Variants in TMEM63C observed in about 807,000 individuals in gnomAD.
TMEM63C encodes the protein osmosensitive cation channel TMEM63C.
TMEM63C carries 32 observed loss-of-function variants against 99.2 expected under a neutral mutation model. That is an observed-to-expected ratio of 0.32 (90% confidence interval 0.24 to 0.43). TMEM63C has a LOEUF of 0.43. TMEM63C is among the 20% of genes least tolerant of loss of function. TMEM63C has a pLI of 1.00. For missense variants in TMEM63C, 826 were observed against 1,053.0 expected (o/e 0.78, Z 2.98); for synonymous variants, 376 against 397.9 (o/e 0.94, Z 0.66).
chr14:77,246,071 T>G, intron 17 of TMEM63C, 45 bp downstream of exon 17: 1 of 1,461,768 alleles, frequency 6.8e-7, no homozygotes, highest in Non-Finnish European at 9.6e-7. Flanking sequence ...CAGGCTCTCT[T>G]AGAGTTAAGA....
At chr14:77,233,817 G>A (rs1888987570) in intron 8 of TMEM63C, among the ~76,000 whole-genome samples, 1 of 152,156 alleles carries the variant, frequency 6.6e-6, no homozygotes, top group Admixed American at 6.5e-5. Context: ...TGTGCTGAAA[G>A]AGATTGAAGA....
chr14:77,197,788 A>T (rs1483245075), intron 1 of TMEM63C, among the ~76,000 whole-genome samples: 1 of 152,244 alleles, frequency 6.6e-6, no homozygotes, highest in African/African-American at 2.4e-5. Context: ...GCAGAGAAGA[A>T]TATCATTTGC....
intron 20 of TMEM63C, 104 bp from the exon 21 acceptor site, chr14:77,249,185 ACT>A: frequency 8.1e-7 from 1 of 1,229,552 alleles, no homozygotes; most frequent in Non-Finnish European, 1.2e-6. Flanking sequence ...GGTTGTTGTG[ACT>A]CTGACAGCCG....
intron 16 of TMEM63C, 94 bp from the exon 17 acceptor site, chr14:77,245,846 A>C: frequency 2.1e-6 from 2 of 934,740 alleles, no homozygotes; most frequent in Admixed American, 3.4e-5. Context: ...GAGCCAAACC[A>C]TATCAGTGTC....
chr14:77,199,917 G>A (rs561807473), intron 1 of TMEM63C, among the ~76,000 whole-genome samples: 2 of 152,226 alleles, frequency 1.3e-5, no homozygotes. Context: ...AAATGTAGGT[G>A]AGAGATGAGA....
At chr14:77,224,525 C>T (rs1347503585) in intron 5 of TMEM63C, among the ~76,000 whole-genome samples, 1 of 152,110 alleles carries the variant, frequency 6.6e-6, no homozygotes, top group East Asian at 1.9e-4. Flanking sequence ...GTAACTTCAC[C>T]AGCTACCAGA....
chr14:77,211,169 TC>T (rs1426690196), intron 1 of TMEM63C, among the ~76,000 whole-genome samples: 10 of 152,124 alleles, frequency 6.6e-5, no homozygotes, highest in African/African-American at 2.4e-4. Context: ...AGCAAGGTCA[TC>T]CCCTTCCTCT....
rs1888641953 is a variant in TMEM63C, at chr14:77,218,975, G to T, written c.150+12G>T. The T allele has an allele frequency of 1.3e-6, 2 of 1,554,040 alleles. No individual in the cohort carries two copies. Among genetic ancestry groups the T allele is most frequent in the African/African-American group, 1.4e-5 (1 of 72,994 alleles). ...TCGCCCTGTGGGTGGTGAGTCCTGGGCACTGCAGGAGGCAGACAGTAAAGC... is the reference window on the plus strand; with the variant it reads ...TCGCCCTGTGGGTGGTGAGTCCTGGTCACTGCAGGAGGCAGACAGTAAAGC... On this transcript the variant is annotated intron_variant, in intron 3 of 23. Coordinates refer to ENST00000298351, the MANE Select transcript of TMEM63C (RefSeq NM_020431.4).
At chr14:77,230,119 T>TTGAA (rs112239530) in intron 6 of TMEM63C, among the ~76,000 whole-genome samples, 37 of 152,014 alleles carry the variant, frequency 2.4e-4, no homozygotes, top group African/African-American at 8.9e-4. Flanking sequence ...GGAGAATCAC[T>TTGAA]TGAACCCGGG....
At chr14:77,210,515 A>G (rs1000185666) in intron 1 of TMEM63C, among the ~76,000 whole-genome samples, 1 of 152,196 alleles carries the variant, frequency 6.6e-6, no homozygotes, top group Non-Finnish European at 1.5e-5. Flanking sequence ...CAGACATGTC[A>G]GTGGTGAAGG....
At chr14:77,220,783 C>T (rs879534664) in intron 5 of TMEM63C, among the ~76,000 whole-genome samples, 14 of 151,318 alleles carry the variant, frequency 9.3e-5, no homozygotes, top group South Asian at 2.1e-4. Context: ...GCCCTGAGAA[C>T]GTCCTCCCTC....
At chr14:77,183,708 CA>C (rs1566613473) in intron 1 of TMEM63C, among the ~76,000 whole-genome samples, 1 of 152,218 alleles carries the variant, frequency 6.6e-6, no homozygotes, top group East Asian at 1.9e-4. Context: ...CCTCTGAGCA[CA>C]GAACCCCTGA....
At chr14:77,209,899 T>C (rs1594854249) in intron 1 of TMEM63C, among the ~76,000 whole-genome samples, 1 of 151,844 alleles carries the variant, frequency 6.6e-6, no homozygotes, top group African/African-American at 2.4e-5. Context: ...AGAGGTGGTG[T>C]GGGCCTCTGT....
intron 22 of TMEM63C, 103 bp from the exon 23 acceptor site, chr14:77,253,202 C>A: frequency 2.9e-6 from 3 of 1,020,160 alleles, no homozygotes; most frequent in Non-Finnish European, 3.0e-6. Context: ...GAGTTGAGTT[C>A]CAAGGTGGTG....
At chr14:77,226,607 T>G (rs998307520) in intron 6 of TMEM63C, among the ~76,000 whole-genome samples, 7 of 152,038 alleles carry the variant, frequency 4.6e-5, no homozygotes, top group Admixed American at 6.5e-5. Flanking sequence ...CGATGTGGGA[T>G]GTGGAGGGCA....
At chr14:77,249,716 C>A (rs946601117) in intron 21 of TMEM63C, among the ~76,000 whole-genome samples, 1 of 152,230 alleles carries the variant, frequency 6.6e-6, no homozygotes, top group African/African-American at 2.4e-5. Flanking sequence ...GGGAAGGAAA[C>A]CTCATATTCC....
chr14:77,230,291 C>G (rs1888914868), intron 6 of TMEM63C, among the ~76,000 whole-genome samples: 1 of 152,138 alleles, frequency 6.6e-6, no homozygotes, highest in Non-Finnish European at 1.5e-5. Flanking sequence ...CGCCAATACC[C>G]AGCAGCTCTC....
intron 1 of TMEM63C, among the ~76,000 whole-genome samples, chr14:77,204,448 C>T (rs1446167201): frequency 3.9e-5 from 6 of 152,186 alleles, no homozygotes; most frequent in African/African-American, 1.2e-4. Context: ...TTTGTAAGAT[C>T]TCCTCCAGCC....
chr14:77,197,331 C>T (rs530520532), intron 1 of TMEM63C, among the ~76,000 whole-genome samples: 1 of 152,360 alleles, frequency 6.6e-6, no homozygotes. Flanking sequence ...GGGCAGGGAG[C>T]CTTAGCCACA....
Sources: allele counts gnomAD v4.1 joint callset (sites outside exome capture counted in the v4.1 genomes callset), GRCh38; gene constraint gnomAD v4.1.1; transcripts MANE v1.5; gene names NCBI Gene and HGNC (gene_info 2026-07-23, HGNC 2026-07-21).